The following HOGA1 variants were observed in gnomAD, a reference collection of about 807,000 sequenced individuals.
HOGA1 encodes 4-hydroxy-2-oxoglutarate aldolase 1, also known as 4-hydroxy-2-oxoglutarate aldolase, mitochondrial.
A neutral mutation model predicts 34.3 loss-of-function variants in HOGA1; 30 were observed. The ratio of observed to expected loss-of-function variants is 0.87; its 90% CI spans 0.65 to 1.19. HOGA1 has a LOEUF of 1.19. HOGA1 is among the 50% of genes most tolerant of loss of function. HOGA1 has a pLI of 0.00. For synonymous variants in HOGA1, 161 were observed against 174.0 expected, an observed-to-expected ratio of 0.93 and a Z score of 0.59; for missense variants, 417 against 436.5, an observed-to-expected ratio of 0.96 and a Z score of 0.40.
At chr10:97,592,077 AG>A (rs1277005418) in intron 1 of HOGA1, among the ~76,000 whole-genome samples, 1 of 151,778 alleles carries the variant, frequency 6.6e-6, no homozygotes, top group African/African-American at 2.4e-5. Context: ...GTGATATCAT[AG>A]TTCACTGCAG....
At chr10:97,589,149 C>T (rs2040997265) in intron 1 of HOGA1, among the ~76,000 whole-genome samples, 2 of 152,232 alleles carry the variant, frequency 1.3e-5, no homozygotes, top group African/African-American at 4.8e-5. Flanking sequence ...CCACTGCTTG[C>T]CTCTCCACCC....
intron 6 of HOGA1, chr10:97,602,287 G>A (rs1224671383): frequency 4.6e-5 from 62 of 1,357,078 alleles, no homozygotes; most frequent in Non-Finnish European, 5.7e-5. Context: ...CTGTGTGATT[G>A]TGACAGAGTA....
Position 97,612,508 on chromosome 10 carries a change from T to G in HOGA1, c.*849T>G, listed in dbSNP as rs1343012207. On this transcript the variant is annotated 3_prime_UTR_variant, in exon 7 of 7. Transcript: ENST00000370646. ...CATCCCTGCCCTCCACACTGCAAGCTGCATTCCAGCCACAACGCCCTTTTC... is the reference window on the plus strand; with the variant it reads ...CATCCCTGCCCTCCACACTGCAAGCGGCATTCCAGCCACAACGCCCTTTTC... 2.0e-5 allele frequency: 3 copies of G among 152,238 alleles called. No individual in the cohort carries two copies. Among genetic ancestry groups the G allele is most frequent in the Admixed American group, 6.5e-5 (1 of 15,270 alleles). 9.4% of individuals were successfully genotyped at this position (152,238 alleles called of 1,614,324 possible). A position where few individuals can be genotyped will look rare whatever the true frequency, so the allele number is the denominator to read the frequency against.
chr10:97,587,539 T>TG (rs912077835), intron 1 of HOGA1, among the ~76,000 whole-genome samples: 4 of 152,092 alleles, frequency 2.6e-5, no homozygotes, highest in African/African-American at 9.7e-5. Flanking sequence ...GACAGAGTCT[T>TG]GCTCTGTCGC....
intron 1 of HOGA1, chr10:97,590,634 C>A: frequency 1.3e-6 from 2 of 1,501,642 alleles, no homozygotes; most frequent in Non-Finnish European, 1.8e-6. Flanking sequence ...GCAAGGCTGG[C>A]TCACACACAC....
chr10:97,601,980 C>G lies in HOGA1; in HGVS notation c.824C>G (p.Pro275Arg). The G allele has an allele frequency of 6.2e-7, 1 of 1,612,222 alleles. No homozygotes were observed. Among genetic ancestry groups the G allele is most frequent in the Non-Finnish European group, 8.5e-7 (1 of 1,179,454 alleles). The stretch of plus-strand genomic sequence containing the variant: ...AAACTGCAGCACCGCCTCATTGAGC[C>G]AAACGCTGCGGTGAGCCAGTGGCAG... ...AQKLQHRLIE[P>R]NAAVTRRFGI... The change falls in exon 6 of 7, where the codon CCA becomes CGA. Residue 275 changes from proline (P) to arginine (R), a missense_variant. Transcript: ENST00000370646.
intron 3 of HOGA1, 122 bp downstream of exon 3, chr10:97,599,338 G>A: frequency 8.5e-7 from 1 of 1,181,998 alleles, no homozygotes; most frequent in South Asian, 1.4e-5. Flanking sequence ...CTGCCACCAT[G>A]GATCAGCTGC....
intron 1 of HOGA1, among the ~76,000 whole-genome samples, chr10:97,586,006 G>T (rs1266914255): frequency 6.6e-6 from 1 of 152,076 alleles, no homozygotes; most frequent in African/African-American, 2.4e-5. Flanking sequence ...GCGTGGTGGT[G>T]TGTGCCTGTA....
intron 6 of HOGA1, 86 bp downstream of exon 6, chr10:97,602,076 G>A (rs771900646): frequency 1.9e-6 from 3 of 1,552,932 alleles, no homozygotes. Context: ...CTGGCACCAG[G>A]CCCCACTCAG....
chr10:97,589,922 A>G, intron 1 of HOGA1: 1 of 1,613,344 alleles, frequency 6.2e-7, no homozygotes, highest in African/African-American at 1.3e-5. Flanking sequence ...GAGAAAGAGG[A>G]GAAGAAAGGA....
At chr10:97,604,952 G>A (rs1034474263) in intron 6 of HOGA1, among the ~76,000 whole-genome samples, 1 of 152,150 alleles carries the variant, frequency 6.6e-6, no homozygotes, top group African/African-American at 2.4e-5. Context: ...CTGCACTCCA[G>A]CCTGGGTGAC....
rs1466592334 is a variant in HOGA1, at chr10:97,584,574, A to C, written c.-130A>C. The stretch of plus-strand genomic sequence containing the variant: ...GGAACACCCAGCTCAGGCCTGCCCC[A>C]GTGGCCACAAGTCAGGGAGGCCGCA... On this transcript the variant is annotated 5_prime_UTR_variant, in exon 1 of 7. Transcript: ENST00000370646. The C allele has an allele frequency of 1.3e-6, 1 of 791,512 alleles. No individual in the cohort carries two copies. The highest frequency in any genetic ancestry group is 2.1e-6 in the Non-Finnish European group (1 of 482,000). The allele number at this position is 791,512 out of a possible 1,614,324, so 49.0% of individuals were successfully genotyped here.
intron 1 of HOGA1, among the ~76,000 whole-genome samples, chr10:97,591,821 G>T (rs1398686780): frequency 2.2e-5 from 3 of 134,462 alleles, no homozygotes; most frequent in African/African-American, 9.0e-5. Flanking sequence ...TTCATTTTGT[G>T]TGTGTGTGTG....
At chr10:97,594,889 T>C (rs1302150836) in intron 1 of HOGA1, among the ~76,000 whole-genome samples, 2 of 152,088 alleles carry the variant, frequency 1.3e-5, no homozygotes, top group Admixed American at 6.6e-5. Context: ...GGGACCTTTG[T>C]AGATGGGTGC....
At position 97,608,350 on chromosome 10, in the gene HOGA1, A is replaced by G. The variant is rs80192375; in HGVS notation, c.835-3160A>G. 2.5e-4 allele frequency among the ~76,000 whole-genome samples: 38 copies of G among 152,248 alleles called. No individual in the cohort carries two copies. The East Asian group carries it at 6.9e-3, about 28-fold the overall frequency. On this transcript the variant is annotated intron_variant, in intron 6 of 6. Coordinates refer to ENST00000370646, the MANE Select transcript of HOGA1 (RefSeq NM_138413.4). ...AAAAAATACAATAAATAAAAATGAA[A>G]AAATACACCAAAAAATACATGGGGC...
chr10:97,600,109 G>T lies in HOGA1; in HGVS notation c.646G>T (p.Asp216Tyr), dbSNP rs1461247492. 1.2e-6 allele frequency: 2 copies of T among 1,614,192 alleles called. No individual in the cohort carries two copies. Among genetic ancestry groups the T allele is most frequent in the Non-Finnish European group, 1.7e-6 (2 of 1,180,046 alleles). ...GLIVHKTRKQ[D>Y]FQVLAGSAGF... ...GATTGTTCACAAGACCAGGAAGCAG[G>T]ATTTTCAGGTGTTGGCTGGATCGGC... Residue 216 changes from aspartate (D) to tyrosine (Y), a missense_variant, in exon 5 of 7, where the codon GAT (aspartate) becomes TAT (tyrosine). Transcript: ENST00000370646.
intron 1 of HOGA1, among the ~76,000 whole-genome samples, chr10:97,586,904 G>T (rs1163767395): frequency 3.9e-5 from 6 of 152,184 alleles, no homozygotes; most frequent in Admixed American, 3.9e-4. Context: ...GGGTGTGGTA[G>T]GAAGAGCCCA....
chr10:97,606,584 G>A lies in HOGA1; in HGVS notation c.834+4594G>A, dbSNP rs966628260. ...GCATATTTGTGTGGGTCTATTTCTG[G>A]GTTCTCTATTCTTTCCATTGATGTA... On this transcript the variant is annotated intron_variant, in intron 6 of 6. Transcript: ENST00000370646. Among the ~76,000 whole-genome samples the A allele has an allele frequency of 2.0e-5, 3 of 151,992 alleles. No individual in the cohort carries two copies. The East Asian group carries it at 5.8e-4, about 29-fold the overall frequency.
intron 1 of HOGA1, among the ~76,000 whole-genome samples, chr10:97,594,689 C>G (rs1341810649): frequency 6.6e-6 from 1 of 152,040 alleles, no homozygotes; most frequent in East Asian, 1.9e-4. Flanking sequence ...CAGGGTTTCA[C>G]CATGTTGGCC....
Sources: gnomAD v4.1 joint callset for allele counts (sites outside exome capture counted in the v4.1 genomes callset) on GRCh38, gnomAD v4.1.1 for gene constraint, MANE v1.5 for transcripts, NCBI Gene and HGNC (gene_info 2026-07-23, HGNC 2026-07-21) for gene names.